The following PIP5K1A variants were observed in gnomAD, a reference collection of about 807,000 sequenced individuals.
PIP5K1A encodes the protein phosphatidylinositol-4-phosphate 5-kinase type 1 alpha, also known as phosphatidylinositol 4-phosphate 5-kinase type-1 alpha.
In PIP5K1A, 46 loss-of-function variants were observed where a neutral mutation model predicts 72.9. The ratio of observed to expected loss-of-function variants is 0.63; its 90% CI spans 0.50 to 0.81. PIP5K1A has a LOEUF of 0.81. Among genes scored for constraint, PIP5K1A ranks in the 30% least tolerant of loss-of-function variants. The pLI, the probability that PIP5K1A is intolerant of heterozygous loss-of-function variation, is 0.00. For missense variants in PIP5K1A, 458 were observed against 706.1 expected (o/e 0.65, Z 3.98); for synonymous variants, 228 against 255.1 (o/e 0.89, Z 1.01).
chr1:151,236,942 T>G (rs1690978829), intron 9 of PIP5K1A, among the ~76,000 whole-genome samples, 179 bp downstream of exon 9: 1 of 151,520 alleles, frequency 6.6e-6, no homozygotes, highest in African/African-American at 2.4e-5. Flanking sequence ...ATTCTCCTGC[T>G]TCAGCCTCCT....
intron 1 of PIP5K1A, among the ~76,000 whole-genome samples, chr1:151,219,381 CA>C (rs1179510165): frequency 0.031 from 2,060 of 67,196 alleles, 34 homozygotes; most frequent in African/African-American, 0.07. Flanking sequence ...ACTCTCGTCT[CA>C]AAAAAAAAAA....
chr1:151,240,111 G>A, intron 12 of PIP5K1A, 72 bp downstream of exon 12: 2 of 1,053,728 alleles, frequency 1.9e-6, no homozygotes, highest in East Asian at 2.4e-5. Flanking sequence ...ACAGAGGGCA[G>A]GACACCTCTG....
chr1:151,230,815 G>T, intron 4 of PIP5K1A, among the ~76,000 whole-genome samples: 1 of 152,212 alleles, frequency 6.6e-6, no homozygotes, highest in East Asian at 1.9e-4. Context: ...GCTTGGATTA[G>T]AGGCGTGAGC....
chr1:151,246,030 T>A (rs767097139), intron 14 of PIP5K1A, among the ~76,000 whole-genome samples: 19 of 152,138 alleles, frequency 1.2e-4, no homozygotes, highest in Non-Finnish European at 2.6e-4. Context: ...GCGGATCACC[T>A]GAGGCCAGAA....
intron 1 of PIP5K1A, among the ~76,000 whole-genome samples, chr1:151,200,929 A>G (rs1465634494): frequency 2.6e-5 from 4 of 151,632 alleles, no homozygotes; most frequent in Non-Finnish European, 5.9e-5. Flanking sequence ...TCCCGGGTTC[A>G]CGCCATTCTT....
intron 1 of PIP5K1A, among the ~76,000 whole-genome samples, chr1:151,211,670 C>T (rs1450051104): frequency 1.3e-5 from 2 of 148,276 alleles, no homozygotes; most frequent in Non-Finnish European, 3.0e-5. Flanking sequence ...GTGGCGGGCG[C>T]GTGTAGTCCC....
In PIP5K1A at chr1:151,202,629, C is replaced by G. The variant is rs587644939; in HGVS notation, c.85+3548C>G. Among the ~76,000 whole-genome samples the G allele has an allele frequency of 2.6e-5, 4 of 151,896 alleles. No individual in the cohort carries two copies. The South Asian group carries it at 8.3e-4, about 32-fold the overall frequency. ...AGATTACAGGCACCTGCCACCACAT[C>G]TGACTAATTTTTGTATTTTAGTAGA... On this transcript the variant is annotated intron_variant, in intron 1 of 15. Transcript: ENST00000368888.
At chr1:151,241,482 C>G (rs932881097) in intron 12 of PIP5K1A, among the ~76,000 whole-genome samples, 17 of 151,838 alleles carry the variant, frequency 1.1e-4, no homozygotes, top group Admixed American at 2.6e-4. Flanking sequence ...CCAGCCTGGG[C>G]GACAGAGCAA....
In PIP5K1A at chr1:151,201,607, C is replaced by T. The variant is rs587702064; in HGVS notation, c.85+2526C>T. On this transcript the variant is annotated intron_variant, in intron 1 of 15. Coordinates refer to ENST00000368888, the MANE Select transcript of PIP5K1A (RefSeq NM_001135638.2). The stretch of plus-strand genomic sequence containing the variant: ...CTGACCTCAAGTAATCCGCCCACTT[C>T]GGCCTCCAAAAATGCTGGGATTACA... Among the ~76,000 whole-genome samples, 20 of 152,106 alleles carry T rather than the reference C, an allele frequency of 1.3e-4. No individual in the cohort carries two copies. In the South Asian group the frequency reaches 1.7e-3, roughly 13 times the overall value.
chr1:151,226,278 G>A (rs1689114361), intron 3 of PIP5K1A, among the ~76,000 whole-genome samples: 1 of 151,526 alleles, frequency 6.6e-6, no homozygotes, highest in Admixed American at 6.6e-5. Flanking sequence ...GTAGAGACAG[G>A]GTTTCAACAT....
At chr1:151,232,146 C>A (rs1421205067) in intron 5 of PIP5K1A, 102 bp from the exon 6 acceptor site, 19 of 784,308 alleles carry the variant, frequency 2.4e-5, no homozygotes, top group Non-Finnish European at 4.1e-5. Context: ...AATGTATTCC[C>A]CCACTCCCCC....
In PIP5K1A at chr1:151,205,447, A is replaced by G. The variant is rs587768380; in HGVS notation, c.85+6366A>G. Among the ~76,000 whole-genome samples, 16 of 151,798 alleles carry G rather than the reference A, an allele frequency of 1.1e-4. No individual in the cohort carries two copies. The South Asian group carries it at 3.3e-3, about 32-fold the overall frequency. On this transcript the variant is annotated intron_variant, in intron 1 of 15. Coordinates refer to ENST00000368888, the MANE Select transcript of PIP5K1A (RefSeq NM_001135638.2). ...TGCCTTGGCTTCCCAAAGTTCTGAGATTACAGGCGTGAGCTACTGCCCGGC... is the reference window on the plus strand; with the variant it reads ...TGCCTTGGCTTCCCAAAGTTCTGAGGTTACAGGCGTGAGCTACTGCCCGGC...
intron 1 of PIP5K1A, among the ~76,000 whole-genome samples, chr1:151,219,693 T>TAAAA (rs1260781380): frequency 1.3e-5 from 2 of 149,640 alleles, no homozygotes; most frequent in African/African-American, 2.5e-5. Context: ...AAACTCCATC[T>TAAAA]AAAAAAAAAG....
At chr1:151,225,376 T>G (rs1307499618) in intron 3 of PIP5K1A, among the ~76,000 whole-genome samples, 1 of 152,106 alleles carries the variant, frequency 6.6e-6, no homozygotes, top group Non-Finnish European at 1.5e-5. Context: ...TAATGAGTAT[T>G]GATGTTATGA....
intron 1 of PIP5K1A, among the ~76,000 whole-genome samples, chr1:151,223,050 T>TA (rs984552094): frequency 1.3e-4 from 20 of 151,192 alleles, no homozygotes; most frequent in East Asian, 5.9e-4. Context: ...CTCTCTCTTC[T>TA]AAAAAAAATA....
chr1:151,199,022 C>T lies in PIP5K1A; in HGVS notation c.26C>T (p.Ser9Leu). The T allele has an allele frequency of 2.5e-6, 4 of 1,614,184 alleles. No individual in the cohort carries two copies. The highest frequency in any genetic ancestry group is 2.2e-5 in the South Asian group (2 of 91,084). Residue 9 changes from serine (S) to leucine (L), a missense_variant, in exon 1 of 16, where the codon TCG becomes TTG. By Grantham distance (145) the Ser-to-Leu change is moderately radical (BLOSUM62 -2). Coordinates refer to ENST00000368888, the MANE Select transcript of PIP5K1A (RefSeq NM_001135638.2). Reference protein sequence around the residue: MASASSGPSSSVGFSSFDP... With the variant: MASASSGPLSSVGFSSFDP... ...ATGGCGTCGGCCTCCTCCGGGCCGT[C>T]GTCTTCGGTCGGTTTTTCATCCTTT...
intron 1 of PIP5K1A, among the ~76,000 whole-genome samples, chr1:151,221,704 A>G (rs1225637064): frequency 6.6e-6 from 1 of 152,232 alleles, no homozygotes; most frequent in Non-Finnish European, 1.5e-5. Flanking sequence ...TTTCACAAAG[A>G]CACTAGAAAA....
At position 151,231,719 on chromosome 1, in the gene PIP5K1A, A is replaced by T; in HGVS notation, c.286A>T (p.Thr96Ser). Residue 96 changes from threonine to serine, a missense_variant, in exon 5 of 16, where the codon ACT (threonine) becomes TCT (serine). By Grantham distance (58) the Thr-to-Ser change is moderately conservative. This residue lies in a region of PIP5K1A where 220 missense variants were observed against 442.6 expected (regional missense o/e 0.50). Coordinates refer to ENST00000368888, the MANE Select transcript of PIP5K1A (RefSeq NM_001135638.2). ...KGAIQLGITH[T>S]VGSLSTKPER... ...TGCCATCCAGTTAGGCATTACCCACACTGTGGGGAGCCTGAGTACCAAACC... is the reference window on the plus strand; with the variant it reads ...TGCCATCCAGTTAGGCATTACCCACTCTGTGGGGAGCCTGAGTACCAAACC... 6.2e-7 allele frequency: 1 copy of T among 1,613,580 alleles called. No individual in the cohort carries two copies. The highest frequency in any genetic ancestry group is 8.5e-7 in the Non-Finnish European group (1 of 1,179,566).
rs1692908177 is a variant in PIP5K1A at position 151,249,477 on chromosome 1, C to G, written c.*1612C>G. The G allele has an allele frequency of 6.6e-6, 1 of 152,042 alleles. No individual in the cohort carries two copies. The highest frequency in any genetic ancestry group is 6.6e-5 in the Admixed American group (1 of 15,242). The allele number at this position is 152,042 out of a possible 1,614,324, so 9.4% of individuals were successfully genotyped here. On this transcript the variant is annotated 3_prime_UTR_variant, in exon 16 of 16. Transcript: ENST00000368888. ...TTGTATTGTTCAGAAATGGCAAATA[C>G]AATATAAAAGTGATATATGGTTTTA... is the stretch of plus-strand genomic sequence containing the variant.
Sources: allele counts gnomAD v4.1 joint callset (sites outside exome capture counted in the v4.1 genomes callset), GRCh38; gene constraint gnomAD v4.1.1; regional missense constraint gnomAD v4.1.1; transcripts MANE v1.5; gene names NCBI Gene and HGNC (gene_info 2026-07-23, HGNC 2026-07-21).